Variants in HIP1R observed in about 807,000 individuals in gnomAD.
HIP1R encodes huntingtin interacting protein 1 related.
HIP1R carries 135 observed loss-of-function variants against 144.2 expected under a neutral mutation model. The observed-to-expected ratio is 0.94, with a 90% CI of 0.81 to 1.08. The LOEUF (loss-of-function observed/expected upper bound fraction) is 1.08, where lower values mean the gene tolerates loss of function less well. Ranked by LOEUF, HIP1R falls within the 50% of genes least tolerant of loss-of-function variation. HIP1R has a pLI of 0.00. For missense variants in HIP1R, 1,462 were observed against 1,432.8 expected, an observed-to-expected ratio of 1.02 and a Z score of -0.33; for synonymous variants, 698 against 612.8, an observed-to-expected ratio of 1.14 and a Z score of -2.05.
In HIP1R at chr12:122,857,037, G is replaced by T; in HGVS notation, c.1637G>T (p.Ser546Ile). 1 of 1,549,866 alleles carries T rather than the reference G, an allele frequency of 6.5e-7. No homozygotes were observed. The highest frequency in any genetic ancestry group is 1.4e-5 in the African/African-American group (1 of 73,238). The change falls in exon 18 of 32, where the codon AGC becomes ATC. Residue 546 changes from serine (S) to isoleucine (I), a missense_variant. Ser to Ile is a moderately radical substitution (Grantham distance 142). Around this residue, in one of 2 missense-constraint regions of HIP1R, gnomAD observed 1,112 missense variants for 1,011.7 expected, o/e 1.10. Coordinates refer to ENST00000253083, the MANE Select transcript of HIP1R (RefSeq NM_003959.3). ...SHTEQSKSEL[S>I]SRLDTLSAEK... ...TGTCCACAGAGCAAGTCGGAGCTGA[G>T]CTCACGGCTGGACACGCTGAGTGCG...
chr12:122,838,368 T>A (rs1381862537), intron 1 of HIP1R, among the ~76,000 whole-genome samples: 1 of 152,146 alleles, frequency 6.6e-6, no homozygotes, highest in Non-Finnish European at 1.5e-5. Flanking sequence ...AAACTTTTAT[T>A]GTCTTGTTGC....
chr12:122,856,003 G>T lies in HIP1R; in HGVS notation c.1152G>T (p.Leu384=). The T allele has an allele frequency of 6.3e-7, 1 of 1,593,592 alleles. No individual in the cohort carries two copies. The highest frequency in any genetic ancestry group is 8.5e-7 in the Non-Finnish European group (1 of 1,170,470). The change falls in exon 14 of 32, where the codon CTG becomes CTT. Residue 384 remains leucine, a synonymous_variant. Transcript: ENST00000253083. ...KLEAQRYIAQ[L]KSQVNALEGE... Reference sequence around the variant, plus strand: ...AGGCCCAGCGGTACATCGCGCAGCTGAAGAGCCAGGTGAATGCACTGGAGG... The same window carrying T: ...AGGCCCAGCGGTACATCGCGCAGCTTAAGAGCCAGGTGAATGCACTGGAGG...
intron 1 of HIP1R, among the ~76,000 whole-genome samples, chr12:122,847,416 C>T (rs889337113): frequency 4.6e-5 from 7 of 152,166 alleles, no homozygotes; most frequent in African/African-American, 7.2e-5. Flanking sequence ...CTGCAGACCC[C>T]ACTCCTGCCT....
In HIP1R at chr12:122,858,906, G is replaced by C. The variant is rs1434346109; in HGVS notation, c.2119G>C (p.Gly707Arg). 8 of 1,613,172 alleles carry C rather than the reference G, an allele frequency of 5.0e-6. No individual in the cohort carries two copies. Among genetic ancestry groups the C allele is most frequent in the Non-Finnish European group, 6.8e-6 (8 of 1,180,016 alleles). ...HLAADTIING[G>R]ATSHLAPTDP... ...GGCTGCGGATACCATCATCAATGGC[G>C]GTGCCACCTCGCACCTGGCTCCCAC... The change falls in exon 21 of 32, where the codon GGT (glycine) becomes CGT (arginine). Residue 707 changes from glycine (G) to arginine (R), a missense_variant. Coordinates refer to ENST00000253083, the MANE Select transcript of HIP1R (RefSeq NM_003959.3).
rs768664886 is a variant in HIP1R at position 122,855,297 on chromosome 12, G to A, written c.885G>A (p.Leu295=). 6.2e-7 allele frequency: 1 copy of A among 1,612,618 alleles called. No individual in the cohort carries two copies. Among genetic ancestry groups the A allele is most frequent in the African/African-American group, 1.3e-5 (1 of 74,914 alleles). ...CTAACTTCCTGCGGGCCTCAGCCCT[G>A]GCTGAGCACATCAAGCCGGTGGTGG... The part of the protein sequence containing the change: ...GPPNFLRASA[L]AEHIKPVVVI... Residue 295 remains leucine, a synonymous_variant, in exon 11 of 32, where the codon CTG becomes CTA. Coordinates refer to ENST00000253083, the MANE Select transcript of HIP1R (RefSeq NM_003959.3).
chr12:122,840,497 ATAC>A lies in HIP1R; in HGVS notation c.93+4858_93+4860del, dbSNP rs1159267612. On this transcript the variant is annotated intron_variant, in intron 1 of 31. Coordinates refer to ENST00000253083, the MANE Select transcript of HIP1R (RefSeq NM_003959.3). The surrounding 1 kb of genome is among the most constrained non-coding windows in gnomAD (Gnocchi z 4.2). The stretch of plus-strand genomic sequence containing the variant: ...CCTTATCTACAAAATGGGGGCAATA[ATAC>A]TACACACCTCCTGGAGTGGTTGTGA... 6.6e-6 allele frequency among the ~76,000 whole-genome samples: 1 copy of A among 152,200 alleles called. No homozygotes were observed. Among genetic ancestry groups the A allele is most frequent in the Non-Finnish European group, 1.5e-5 (1 of 68,038 alleles).
intron 6 of HIP1R, 50 bp from the exon 7 acceptor site, chr12:122,851,186 G>T: frequency 1.4e-6 from 2 of 1,455,552 alleles, no homozygotes; most frequent in Non-Finnish European, 1.8e-6. Flanking sequence ...AGGACGAGTG[G>T]GTGGGTCCAC....
At chr12:122,848,234 G>A in intron 2 of HIP1R, 140 bp downstream of exon 2, 3 of 992,108 alleles carry the variant, frequency 3.0e-6, no homozygotes, top group South Asian at 1.5e-5. Flanking sequence ...GTGCAGCTTG[G>A]CTCCTTCCCA....
At position 122,859,825 on chromosome 12, in the gene HIP1R, CGA is replaced by C; in HGVS notation, c.2464_2465del (p.Arg822AspfsTer21). ...ASSGVKLEVN[E>X]RILNSCTDLM... is the part of the protein sequence containing the mutation. Reference sequence around the variant, plus strand: ...GCTCGGGGGTGAAGCTGGAGGTGAACGAGAGGTGAGCCCCCCTTCTGTCCCCC... The same window carrying C: ...GCTCGGGGGTGAAGCTGGAGGTGAACGAGGTGAGCCCCCCTTCTGTCCCCC... On this transcript the variant is annotated frameshift_variant, in exon 24 of 32. Coordinates refer to ENST00000253083, the MANE Select transcript of HIP1R (RefSeq NM_003959.3). LOFTEE classifies it high-confidence loss of function. The C allele has an allele frequency of 6.2e-7, 1 of 1,612,440 alleles. No individual in the cohort carries two copies. The highest frequency in any genetic ancestry group is 8.5e-7 in the Non-Finnish European group (1 of 1,179,606).
rs974128418 is a variant in HIP1R at position 122,835,724 on chromosome 12, G to A, written c.93+81G>A. 6 of 940,166 alleles carry A rather than the reference G, an allele frequency of 6.4e-6. No individual in the cohort carries two copies. In the African/African-American group the frequency reaches 7.1e-5, roughly 11 times the overall value. 58.2% of individuals were successfully genotyped at this position (940,166 alleles called of 1,614,324 possible). ...CGTCCCTGACCCCTCACGCGCGAAC[G>A]GCTGGGGCCCGGGAGGCGCCGGCCA... is the stretch of plus-strand genomic sequence containing the variant. On this transcript the variant is annotated intron_variant, in intron 1 of 31. Coordinates refer to ENST00000253083, the MANE Select transcript of HIP1R (RefSeq NM_003959.3).
At position 122,859,835 on chromosome 12, in the gene HIP1R, GCCC is replaced by G. The variant is rs34925212; in HGVS notation, c.2465+9_2465+11del. 1 of 1,611,900 alleles carries G rather than the reference GCCC, an allele frequency of 6.2e-7. No homozygotes were observed. Among genetic ancestry groups the G allele is most frequent in the Non-Finnish European group, 8.5e-7 (1 of 1,179,300 alleles). ...GAAGCTGGAGGTGAACGAGAGGTGA[GCCC>G]CCCTTCTGTCCCCCCAGGCCCAGCC... On this transcript the variant is annotated splice_donor_region_variant and intron_variant, in intron 24 of 31. Coordinates refer to ENST00000253083, the MANE Select transcript of HIP1R (RefSeq NM_003959.3).
chr12:122,837,041 C>T (rs185353277), intron 1 of HIP1R, among the ~76,000 whole-genome samples: 4 of 152,302 alleles, frequency 2.6e-5, no homozygotes, highest in Non-Finnish European at 4.4e-5. Flanking sequence ...ATTAATTGTG[C>T]CAAGAACTTG....
chr12:122,854,194 C>T lies in HIP1R; in HGVS notation c.718+11C>T. The T allele has an allele frequency of 1.2e-6, 2 of 1,610,668 alleles. No homozygotes were observed. The highest frequency in any genetic ancestry group is 1.7e-6 in the Non-Finnish European group (2 of 1,178,306). On this transcript the variant is annotated intron_variant, in intron 8 of 31. Transcript: ENST00000253083. ...TCAAGCTACACTCTTGTGAGTGGCC[C>T]AGGGCAACCCCTGGCCCGGAAGGCT... is the stretch of plus-strand genomic sequence containing the variant.
chr12:122,838,504 C>G (rs2032970072), intron 1 of HIP1R, among the ~76,000 whole-genome samples: 1 of 152,058 alleles, frequency 6.6e-6, no homozygotes, highest in South Asian at 2.1e-4. Context: ...GACCTAGGCT[C>G]TAGCCTGTGT....
intron 7 of HIP1R, among the ~76,000 whole-genome samples, chr12:122,851,762 C>T (rs768296515): frequency 6.6e-6 from 1 of 152,162 alleles, no homozygotes; most frequent in African/African-American, 2.4e-5. Context: ...ATGGGGCCTC[C>T]TGGCCCCTCC....
At chr12:122,841,779 G>A (rs897392) in intron 1 of HIP1R, among the ~76,000 whole-genome samples, 117,963 of 152,008 alleles carry the variant, frequency 0.78, 46,578 homozygotes, top group Middle Eastern at 0.9. Context: ...GAGGGGTGAC[G>A]CAGGAACAGT....
At position 122,855,126 on chromosome 12, in the gene HIP1R, G is replaced by C; in HGVS notation, c.850G>C (p.Glu284Gln). The change falls in exon 10 of 32, where the codon GAG (glutamate) becomes CAG (glutamine). Residue 284 changes from glutamate to glutamine, a missense_variant and splice_region_variant. By Grantham distance (29) the Glu-to-Gln change is conservative. Around this residue, in one of 2 missense-constraint regions of HIP1R, gnomAD observed 350 missense variants for 421.1 expected, o/e 0.83. Transcript: ENST00000253083. Reference sequence around the variant, plus strand: ...GCTCATCCAGATCCCCCGGCTGCCCGAGGTACCACCCCCAAGAGGGCCCCG... The same window carrying C: ...GCTCATCCAGATCCCCCGGCTGCCCCAGGTACCACCCCCAAGAGGGCCCCG... ...KRLIQIPRLP[E>Q]GPPNFLRASA... The C allele has an allele frequency of 6.2e-7, 1 of 1,613,522 alleles. No homozygotes were observed. Among genetic ancestry groups the C allele is most frequent in the Non-Finnish European group, 8.5e-7 (1 of 1,180,006 alleles).
Position 122,848,620 on chromosome 12 carries a change from C to CTGCT in HIP1R, c.300+13_300+16dup, listed in dbSNP as rs368178583. On this transcript the variant is annotated intron_variant, in intron 3 of 31. Coordinates refer to ENST00000253083, the MANE Select transcript of HIP1R (RefSeq NM_003959.3). ...ACGGGCACCCCAATGTGAGTAGCAGCTGCTGCCTCTGCTCCCCGGAGCTGG... is the reference window on the plus strand; with the variant it reads ...ACGGGCACCCCAATGTGAGTAGCAGCTGCTTGCTGCCTCTGCTCCCCGGAGCTGG... 2.2e-4 allele frequency: 354 copies of CTGCT among 1,605,470 alleles called. No individual in the cohort carries two copies. Among genetic ancestry groups the CTGCT allele is most frequent in the Middle Eastern group, 1.5e-3 (9 of 6,036 alleles).
intron 1 of HIP1R, among the ~76,000 whole-genome samples, chr12:122,841,721 T>G (rs1249320715): frequency 6.6e-6 from 1 of 152,106 alleles, no homozygotes; most frequent in East Asian, 1.9e-4. Flanking sequence ...GCCCAGGGAA[T>G]GAAACTGCAC....
Sources: gnomAD v4.1 joint callset for allele counts (sites outside exome capture counted in the v4.1 genomes callset) on GRCh38, gnomAD v4.1.1 for gene constraint, gnomAD v4.1.1 regional missense constraint, Gnocchi (gnomAD v3.1) non-coding constraint, MANE v1.5 for transcripts, NCBI Gene and HGNC (gene_info 2026-07-23, HGNC 2026-07-21) for gene names.